Variants in DENND1B observed in about 807,000 individuals in gnomAD.
DENND1B encodes the protein DENN domain-containing protein 1B.
A neutral mutation model predicts 90.1 loss-of-function variants in DENND1B; 59 were observed. The observed-to-expected ratio is 0.65, with a 90% confidence interval of 0.53 to 0.81. The LOEUF (loss-of-function observed/expected upper bound fraction) is 0.81, where lower values mean the gene tolerates loss of function less well. DENND1B is among the 40% of genes least tolerant of loss of function. The probability of loss-of-function intolerance (pLI) is 0.00; values close to 1 mark genes in which losing one functional copy is unlikely to be tolerated. For synonymous variants in DENND1B, 337 were observed against 324.6 expected (o/e 1.04, Z -0.41); for missense variants, 862 against 912.6 (o/e 0.94, Z 0.71).
chr1:197,683,298 T>C (rs1022741584), intron 3 of DENND1B, among the ~76,000 whole-genome samples: 1 of 152,040 alleles, frequency 6.6e-6, no homozygotes. Context: ...CTAAGAGAAA[T>C]AAAGGCAATT....
At chr1:197,672,300 C>T (rs1655592721) in intron 4 of DENND1B, 144 bp from the exon 5 acceptor site, 4 of 1,000,632 alleles carry the variant, frequency 4.0e-6, no homozygotes. Flanking sequence ...TGTTCTAAAA[C>T]TAGAGGAAGT....
intron 15 of DENND1B, among the ~76,000 whole-genome samples, chr1:197,556,557 A>G (rs1349942713): frequency 2.0e-5 from 3 of 151,870 alleles, no homozygotes; most frequent in African/African-American, 7.3e-5. Flanking sequence ...TACATTACCC[A>G]TTTTCACATC....
At chr1:197,608,629 A>G (rs1285109423) in intron 12 of DENND1B, among the ~76,000 whole-genome samples, 1 of 150,596 alleles carries the variant, frequency 6.6e-6, no homozygotes, top group African/African-American at 2.4e-5. Flanking sequence ...TCATTTTATG[A>G]CAGAAACTAT....
chr1:197,642,849 G>T, intron 9 of DENND1B, 28 bp from the exon 10 acceptor site: 1 of 1,528,992 alleles, frequency 6.5e-7, no homozygotes, highest in Non-Finnish European at 9.0e-7. Context: ...AATTGTGTAA[G>T]TTACAGCTCA....
intron 2 of DENND1B, among the ~76,000 whole-genome samples, chr1:197,727,704 T>C (rs2102302413): frequency 6.6e-6 from 1 of 152,262 alleles, no homozygotes; most frequent in South Asian, 2.1e-4. Context: ...ACAAAGATAA[T>C]TTGTCATGTG....
At position 197,753,780 on chromosome 1, in the gene DENND1B, C is replaced by G. The variant is rs544932476; in HGVS notation, c.82+19088G>C. On this transcript the variant is annotated intron_variant, in intron 2 of 22. Transcript: ENST00000620048. The stretch of plus-strand genomic sequence containing the variant: ...CTTTGGAAGGCCCAGGCAGGCAGAT[C>G]GCCTGAAGTCAGGAGTTCGAGACCA... 1.9e-4 allele frequency among the ~76,000 whole-genome samples: 29 copies of G among 152,154 alleles called. 1 individual carries two copies. The highest frequency in any genetic ancestry group is 7.0e-4 in the African/African-American group (29 of 41,422).
chr1:197,549,686 T>C (rs938712107), intron 16 of DENND1B, among the ~76,000 whole-genome samples: 2 of 152,154 alleles, frequency 1.3e-5, no homozygotes, highest in African/African-American at 4.8e-5. Context: ...TTTATTATCT[T>C]TTAAACTCCA....
intron 15 of DENND1B, among the ~76,000 whole-genome samples, chr1:197,556,309 A>C (rs12025476): frequency 0.16 from 23,804 of 151,936 alleles, 2,143 homozygotes; most frequent in Non-Finnish European, 0.2. Flanking sequence ...AGCATCATGC[A>C]ACATACCCAT....
rs114680994 is a variant in DENND1B at position 197,756,288 on chromosome 1, T to C, written c.82+16580A>G. 5.1e-3 allele frequency among the ~76,000 whole-genome samples: 770 copies of C among 152,290 alleles called. 7 individuals carry two copies. The highest frequency in any genetic ancestry group is 0.017 in the African/African-American group (714 of 41,546). ...TTTTCCAACAATTAGAATATGCTTTTATTAGGCTGGGCATGGTGGCTCAGG... is the reference window on the plus strand; with the variant it reads ...TTTTCCAACAATTAGAATATGCTTTCATTAGGCTGGGCATGGTGGCTCAGG... On this transcript the variant is annotated intron_variant, in intron 2 of 22. Coordinates refer to ENST00000620048, the MANE Select transcript of DENND1B (RefSeq NM_001195215.2).
At position 197,507,233 on chromosome 1, in the gene DENND1B, A is replaced by C. The variant is rs555083209; in HGVS notation, c.*3227T>G. On this transcript the variant is annotated 3_prime_UTR_variant, in exon 23 of 23. Coordinates refer to ENST00000620048, the MANE Select transcript of DENND1B (RefSeq NM_001195215.2). The stretch of plus-strand genomic sequence containing the variant: ...GCAATTCCTTTTCCTTTGTTCCTTC[A>C]GAGCAGGGACTATGTCAGTTATTTT... 7 of 150,046 alleles carry C rather than the reference A, an allele frequency of 4.7e-5. No individual in the cohort carries two copies. Among genetic ancestry groups the C allele is most frequent in the Non-Finnish European group, 7.4e-5 (5 of 67,224 alleles). The allele number at this position is 150,046 out of a possible 1,614,324, so 9.3% of individuals were successfully genotyped here. A position where few individuals can be genotyped will look rare whatever the true frequency, so the allele number is the denominator to read the frequency against.
chr1:197,685,933 A>T (rs930110112), intron 3 of DENND1B, among the ~76,000 whole-genome samples: 2 of 152,196 alleles, frequency 1.3e-5, no homozygotes, highest in African/African-American at 4.8e-5. Context: ...TGCTGAGTTT[A>T]TAAGTGAAGA....
intron 2 of DENND1B, chr1:197,736,018 G>A (rs550542988): frequency 6.6e-5 from 65 of 991,644 alleles, no homozygotes; most frequent in Non-Finnish European, 9.6e-5. Context: ...CACTGCAATG[G>A]CTGCTGTTAA....
chr1:197,549,248 A>T (rs1671041664), intron 16 of DENND1B, among the ~76,000 whole-genome samples: 1 of 152,150 alleles, frequency 6.6e-6, no homozygotes, highest in African/African-American at 2.4e-5. Context: ...CTTAAATTCC[A>T]GTAATTTGTA....
In DENND1B at chr1:197,605,856, T is replaced by C. The variant is rs1007140352; in HGVS notation, c.921+1217A>G. On this transcript the variant is annotated intron_variant, in intron 13 of 22. Coordinates refer to ENST00000620048, the MANE Select transcript of DENND1B (RefSeq NM_001195215.2). ...GGTATTATGGGCATAAATAATCTGATTTTGACTTTAAAATCATATTTTTCC... is the reference window on the plus strand; with the variant it reads ...GGTATTATGGGCATAAATAATCTGACTTTGACTTTAAAATCATATTTTTCC... The C allele has an allele frequency of 3.3e-5, 5 of 151,140 alleles. No homozygotes were observed. The Admixed American group carries it at 3.3e-4, about 10-fold the overall frequency. The allele number at this position is 151,140 out of a possible 1,614,324, so 9.4% of individuals were successfully genotyped here.
intron 5 of DENND1B, among the ~76,000 whole-genome samples, chr1:197,670,963 C>G (rs562957472): frequency 6.6e-6 from 1 of 152,242 alleles, no homozygotes; most frequent in African/African-American, 2.4e-5. Flanking sequence ...ATTCACGATT[C>G]TATAACTTCT....
intron 2 of DENND1B, among the ~76,000 whole-genome samples, chr1:197,733,589 A>G (rs1490102751): frequency 6.6e-6 from 1 of 152,140 alleles, no homozygotes. Context: ...TTGGGCATGG[A>G]GCCCCTACAT....
chr1:197,570,131 G>A (rs969699322), intron 15 of DENND1B, among the ~76,000 whole-genome samples: 1 of 151,526 alleles, frequency 6.6e-6, no homozygotes, highest in African/African-American at 2.4e-5. Flanking sequence ...ACTGGTTCAT[G>A]CCTGTAACCC....
intron 2 of DENND1B, chr1:197,735,896 T>C: frequency 2.6e-6 from 4 of 1,542,338 alleles, no homozygotes; most frequent in Non-Finnish European, 2.7e-6. Context: ...GTGCCTCTCC[T>C]GCTGATATAA....
intron 2 of DENND1B, among the ~76,000 whole-genome samples, chr1:197,728,584 C>T (rs1446221254): frequency 1.3e-5 from 2 of 152,180 alleles, no homozygotes; most frequent in African/African-American, 2.4e-5. Context: ...GTCTAATCAG[C>T]TGCCTAACCA....
Sources: allele counts gnomAD v4.1 joint callset (sites outside exome capture counted in the v4.1 genomes callset), GRCh38; gene constraint gnomAD v4.1.1; transcripts MANE v1.5; gene names NCBI Gene and HGNC (gene_info 2026-07-23, HGNC 2026-07-21).